The following KRIT1 variants were observed in gnomAD, a reference collection of about 807,000 sequenced individuals.
KRIT1 encodes the protein KRIT1 ankyrin repeat containing.
KRIT1 carries 45 observed loss-of-function variants against 95.8 expected under a neutral mutation model. That is an observed-to-expected ratio of 0.47 (90% confidence interval 0.37 to 0.60). KRIT1 has a LOEUF of 0.60. Ranked by LOEUF, KRIT1 falls within the 20% of genes least tolerant of loss-of-function variation. KRIT1 has a pLI of 0.00. For missense variants in KRIT1, 788 were observed against 877.5 expected (o/e 0.90, Z 1.29); for synonymous variants, 282 against 278.8 (o/e 1.01, Z -0.11).
chr7:92,223,750 T>C (rs1157995474), intron 12 of KRIT1, among the ~76,000 whole-genome samples: 1 of 152,200 alleles, frequency 6.6e-6, no homozygotes, highest in Non-Finnish European at 1.5e-5. Context: ...TGGAACACTT[T>C]GCAGGTAAAA....
intron 3 of KRIT1, among the ~76,000 whole-genome samples, 175 bp from the exon 4 acceptor site, chr7:92,242,312 A>C (rs750453037): frequency 3.3e-5 from 5 of 152,242 alleles, no homozygotes; most frequent in Non-Finnish European, 7.3e-5. Context: ...CTAAAAGGCA[A>C]GCCAGGAATG....
rs367959311 is a variant in KRIT1 at position 92,200,406 on chromosome 7, G to A, written c.*330C>T. On this transcript the variant is annotated 3_prime_UTR_variant, in exon 19 of 19. Transcript: ENST00000394505. ...GTCTTGCTGTGTCACCCAGGCTAGC[G>A]TGCCGTGGTGCAATCTTGGCTCACT... 6.6e-5 allele frequency: 19 copies of A among 288,020 alleles called. 1 individual carries two copies. The highest frequency in any genetic ancestry group is 2.0e-4 in the African/African-American group (9 of 45,054). 17.8% of individuals were successfully genotyped at this position (288,020 alleles called of 1,614,324 possible).
intron 12 of KRIT1, among the ~76,000 whole-genome samples, chr7:92,223,385 G>A (rs1795559615): frequency 6.7e-6 from 1 of 149,506 alleles, no homozygotes; most frequent in Non-Finnish European, 1.5e-5. Context: ...GGAGCTTGCA[G>A]TGAGCTGAGA....
Position 92,236,459 on chromosome 7 carries a change from T to C in KRIT1, c.439A>G (p.Thr147Ala), listed in dbSNP as rs555883255. 1 of 1,603,958 alleles carries C rather than the reference T, an allele frequency of 6.2e-7. No homozygotes were observed. Among genetic ancestry groups the C allele is most frequent in the East Asian group, 2.2e-5 (1 of 44,738 alleles). ...DIMRVCSESS[T>A]HFATLTARML... is the part of the protein sequence containing the mutation. ...CTTGCTGTAAGTGTAGCAAAATGAG[T>C]ACTGGATTCACTACAGACTCGCATA... Residue 147 changes from threonine (T) to alanine (A), a missense_variant, in exon 7 of 19, where the codon ACT becomes GCT. Physicochemically the swap from Thr to Ala is moderately conservative, Grantham distance 58. Coordinates refer to ENST00000394505, the MANE Select transcript of KRIT1 (RefSeq NM_194454.3).
At chr7:92,213,044 C>G (rs1292588877) in intron 17 of KRIT1, 151 bp downstream of exon 17, 1 of 612,494 alleles carries the variant, frequency 1.6e-6, no homozygotes, top group African/African-American at 1.8e-5. Context: ...GCCTTACTGA[C>G]AGTGATTTAG....
intron 10 of KRIT1, among the ~76,000 whole-genome samples, chr7:92,232,517 A>G (rs1249684943): frequency 2.2e-5 from 3 of 138,268 alleles, no homozygotes; most frequent in African/African-American, 9.5e-5. Flanking sequence ...TAGAGGGGGA[A>G]AAAAAAAAAA....
intron 10 of KRIT1, among the ~76,000 whole-genome samples, chr7:92,231,656 C>T (rs939473886): frequency 6.6e-6 from 1 of 152,158 alleles, no homozygotes; most frequent in Non-Finnish European, 1.5e-5. Flanking sequence ...TAAGAGTATA[C>T]TTCCAAGATA....
intron 5 of KRIT1, chr7:92,240,731 T>C (rs544329524): frequency 2.8e-5 from 13 of 460,190 alleles, no homozygotes; most frequent in African/African-American, 2.4e-4. Context: ...ATAGGAATAG[T>C]AGTTAAAAGA....
chr7:92,211,170 C>G (rs540044967), intron 17 of KRIT1, among the ~76,000 whole-genome samples: 5 of 152,178 alleles, frequency 3.3e-5, no homozygotes, highest in Non-Finnish European at 7.3e-5. Flanking sequence ...CCAGCAATCT[C>G]ACTACTGAGT....
In KRIT1 at chr7:92,234,486, C is replaced by G. The variant is rs1254670690; in HGVS notation, c.952G>C (p.Asp318His). The change falls in exon 10 of 19, where the codon GAT becomes CAT. Residue 318 changes from aspartate (D) to histidine (H), a missense_variant. By Grantham distance (81) the Asp-to-His change is moderately conservative. Around this residue, in one of 3 missense-constraint regions of KRIT1, gnomAD observed 493 missense variants for 582.3 expected, o/e 0.85. Coordinates refer to ENST00000394505, the MANE Select transcript of KRIT1 (RefSeq NM_194454.3). ...TGAATGGGTGCCCAGTGGTCACTATCTAACTGGTTGACTGAAAATCTTTCA... is the reference window on the plus strand; with the variant it reads ...TGAATGGGTGCCCAGTGGTCACTATGTAACTGGTTGACTGAAAATCTTTCA... ...LSERFSVNQL[D>H]SDHWAPIHYA... 1 of 1,610,724 alleles carries G rather than the reference C, an allele frequency of 6.2e-7. No homozygotes were observed. The highest frequency in any genetic ancestry group is 8.5e-7 in the Non-Finnish European group (1 of 1,176,818).
intron 17 of KRIT1, among the ~76,000 whole-genome samples, chr7:92,204,626 T>C (rs1416241571): frequency 6.6e-6 from 1 of 151,972 alleles, no homozygotes; most frequent in African/African-American, 2.4e-5. Context: ...GCATGAAACC[T>C]AGATCCCTTG....
rs1455253513 is a variant in KRIT1, at chr7:92,226,665, G to A, written c.1007C>T (p.Ala336Val). The A allele has an allele frequency of 6.2e-7, 1 of 1,612,854 alleles. No individual in the cohort carries two copies. Residue 336 changes from alanine (A) to valine (V), a missense_variant, in exon 11 of 19, where the codon GCC (alanine) becomes GTC (valine). Physicochemically the swap from Ala to Val is moderately conservative, Grantham distance 64 (BLOSUM62 0). Coordinates refer to ENST00000394505, the MANE Select transcript of KRIT1 (RefSeq NM_194454.3). Reference protein sequence around the residue: ...HYACWYGKVEATRILLEKGKC... With the variant: ...HYACWYGKVEVTRILLEKGKC... ...TCCTTTCTCTAACAATATGCGAGTG[G>A]CCTCAACTTTTCCATACCTGTATAA... is the stretch of plus-strand genomic sequence containing the variant.
At chr7:92,234,284 G>C (rs184971888) in intron 10 of KRIT1, among the ~76,000 whole-genome samples, 165 bp downstream of exon 10, 77 of 152,248 alleles carry the variant, frequency 5.1e-4, no homozygotes, top group African/African-American at 1.8e-3. Context: ...TTACAATTCT[G>C]AACATTGGCA....
chr7:92,222,645 G>A (rs1161344162), intron 13 of KRIT1, among the ~76,000 whole-genome samples, 177 bp downstream of exon 13: 1 of 152,130 alleles, frequency 6.6e-6, no homozygotes, highest in Non-Finnish European at 1.5e-5. Flanking sequence ...AGGGAACGGG[G>A]TGGGCAGGGA....
At chr7:92,220,662 A>AAT (rs1357333453) in intron 14 of KRIT1, among the ~76,000 whole-genome samples, 2 of 150,666 alleles carry the variant, frequency 1.3e-5, no homozygotes, top group East Asian at 3.9e-4. Flanking sequence ...AAGCTGTTAT[A>AAT]ATCTCTCCCT....
chr7:92,221,745 G>C (rs758826508), intron 14 of KRIT1, among the ~76,000 whole-genome samples, 157 bp downstream of exon 14: 9 of 152,028 alleles, frequency 5.9e-5, no homozygotes, highest in Non-Finnish European at 1.2e-4. Context: ...CCCAACCAAG[G>C]GCTTTGTAAG....
At position 92,235,467 on chromosome 7, in the gene KRIT1, A is replaced by G. The variant is rs921298012; in HGVS notation, c.665T>C (p.Leu222Pro). ...ALEIKSKMLALEKADTCIYNP... is the reference protein window; with the variant it reads ...ALEIKSKMLAPEKADTCIYNP... Reference sequence around the variant, plus strand: ...GTAAATACAGGTATCTGCTTTCTCTAGGGCTAACATTTTACTCTTTATTTC... The same window carrying G: ...GTAAATACAGGTATCTGCTTTCTCTGGGGCTAACATTTTACTCTTTATTTC... Residue 222 changes from leucine to proline, a missense_variant, in exon 8 of 19, where the codon CTA (leucine) becomes CCA (proline). Coordinates refer to ENST00000394505, the MANE Select transcript of KRIT1 (RefSeq NM_194454.3). 4 of 1,613,236 alleles carry G rather than the reference A, an allele frequency of 2.5e-6. No individual in the cohort carries two copies. Among genetic ancestry groups the G allele is most frequent in the Non-Finnish European group, 3.4e-6 (4 of 1,179,322 alleles).
At chr7:92,232,771 G>A (rs1247399450) in intron 10 of KRIT1, among the ~76,000 whole-genome samples, 3 of 152,060 alleles carry the variant, frequency 2.0e-5, no homozygotes, top group African/African-American at 7.2e-5. Flanking sequence ...TCAGCTCACT[G>A]CAAGCTCCGC....
chr7:92,222,115 A>G, intron 13 of KRIT1, 62 bp from the exon 14 acceptor site: 1 of 1,268,400 alleles, frequency 7.9e-7, no homozygotes, highest in South Asian at 1.2e-5. Flanking sequence ...CAATGCATAG[A>G]AACTTTGTAT....
Sources: gnomAD v4.1 joint callset for allele counts (sites outside exome capture counted in the v4.1 genomes callset) on GRCh38, gnomAD v4.1.1 for gene constraint, gnomAD v4.1.1 regional missense constraint, MANE v1.5 for transcripts, NCBI Gene and HGNC (gene_info 2026-07-23, HGNC 2026-07-21) for gene names.